Variants in PSMD14 observed in about 807,000 individuals in gnomAD.
PSMD14 encodes the protein ubiquitin C-terminal hydrolase PSMD14.
A neutral mutation model predicts 41.2 loss-of-function variants in PSMD14; 7 were observed. The observed-to-expected ratio is 0.17, with a 90% confidence interval of 0.10 to 0.32. PSMD14 has a LOEUF of 0.32. Ranked by LOEUF, PSMD14 falls within the 10% of genes least tolerant of loss-of-function variation. PSMD14 has a pLI of 1.00. For synonymous variants in PSMD14, 114 were observed against 122.3 expected (o/e 0.93, Z 0.45); for missense variants, 139 against 375.6 (o/e 0.37, Z 5.21).
chr2:161,356,080 A>G (rs1332611905), intron 3 of PSMD14, among the ~76,000 whole-genome samples: 1 of 152,150 alleles, frequency 6.6e-6, no homozygotes, highest in Non-Finnish European at 1.5e-5. Context: ...TAACTCTAAA[A>G]AGTAACAAGT....
intron 3 of PSMD14, among the ~76,000 whole-genome samples, chr2:161,364,739 G>GGTACCAGT (rs1683336163): frequency 6.6e-6 from 1 of 152,104 alleles, no homozygotes; most frequent in Non-Finnish European, 1.5e-5. Flanking sequence ...GTATTTCACT[G>GGTACCAGT]GTACCAACCT....
chr2:161,381,083 C>G (rs889866890), intron 7 of PSMD14, among the ~76,000 whole-genome samples: 3 of 151,626 alleles, frequency 2.0e-5, no homozygotes, highest in African/African-American at 7.3e-5. Context: ...AATATGTAAT[C>G]TAACTAGTAA....
chr2:161,375,582 A>G (rs1224785518), intron 7 of PSMD14, among the ~76,000 whole-genome samples: 1 of 152,020 alleles, frequency 6.6e-6, no homozygotes, highest in Admixed American at 6.6e-5. Flanking sequence ...TGTAGAAACA[A>G]TATCATTCCA....
chr2:161,340,545 G>A (rs185923724), intron 3 of PSMD14, among the ~76,000 whole-genome samples: 93 of 152,266 alleles, frequency 6.1e-4, no homozygotes, highest in African/African-American at 2.2e-3. Flanking sequence ...CAGGGTCTGA[G>A]CTCTAACTCT....
At chr2:161,361,647 TAAAG>T (rs1279774240) in intron 3 of PSMD14, among the ~76,000 whole-genome samples, 1 of 152,132 alleles carries the variant, frequency 6.6e-6, no homozygotes, top group African/African-American at 2.4e-5. Flanking sequence ...GAACAAATAG[TAAAG>T]AAAACATGAA....
At chr2:161,370,613 A>G (rs1008638885) in intron 6 of PSMD14, among the ~76,000 whole-genome samples, 1 of 152,162 alleles carries the variant, frequency 6.6e-6, no homozygotes, top group Non-Finnish European at 1.5e-5. Flanking sequence ...CTCAGACCAA[A>G]TCTCTCAATA....
chr2:161,310,145 T>C (rs1689072360), intron 1 of PSMD14, among the ~76,000 whole-genome samples: 1 of 152,150 alleles, frequency 6.6e-6, no homozygotes, highest in Non-Finnish European at 1.5e-5. Flanking sequence ...AGTGAGACTT[T>C]GTCTCAAAAA....
chr2:161,337,821 T>C (rs1682890682), intron 3 of PSMD14, among the ~76,000 whole-genome samples: 1 of 152,244 alleles, frequency 6.6e-6, no homozygotes, highest in African/African-American at 2.4e-5. Flanking sequence ...GTTCTCAGTG[T>C]ATGTCTTGAC....
intron 9 of PSMD14, among the ~76,000 whole-genome samples, chr2:161,394,152 A>G (rs1294812316): frequency 6.6e-6 from 1 of 151,650 alleles, no homozygotes; most frequent in Admixed American, 6.6e-5. Flanking sequence ...TTGTGTTTTT[A>G]GTAGCGACAG....
intron 3 of PSMD14, among the ~76,000 whole-genome samples, chr2:161,322,474 C>T (rs546461944): frequency 1.3e-5 from 2 of 152,262 alleles, no homozygotes; most frequent in African/African-American, 4.8e-5. Flanking sequence ...ACTGCAGTCT[C>T]GCCCTCCTGG....
intron 3 of PSMD14, among the ~76,000 whole-genome samples, chr2:161,342,734 T>C (rs1052462783): frequency 2.6e-5 from 4 of 152,210 alleles, no homozygotes; most frequent in Non-Finnish European, 5.9e-5. Context: ...TTTTGCTGTT[T>C]GCTTAATAAT....
intron 3 of PSMD14, among the ~76,000 whole-genome samples, chr2:161,335,437 A>T (rs1033892151): frequency 2.6e-5 from 4 of 152,272 alleles, no homozygotes; most frequent in African/African-American, 9.6e-5. Flanking sequence ...TTAATTTAAA[A>T]TAGTTTAAAT....
intron 10 of PSMD14, among the ~76,000 whole-genome samples, chr2:161,400,187 T>C (rs781719438): frequency 3.3e-5 from 5 of 152,208 alleles, no homozygotes; most frequent in Non-Finnish European, 5.9e-5. Flanking sequence ...TCAAGTCCAA[T>C]ATAAAACTTC....
intron 3 of PSMD14, among the ~76,000 whole-genome samples, chr2:161,361,722 T>A (rs1683291507): frequency 6.6e-6 from 1 of 152,164 alleles, no homozygotes; most frequent in Non-Finnish European, 1.5e-5. Context: ...AATACACCAC[T>A]GAAGAAAGGT....
At chr2:161,309,259 T>G (rs932972706) in intron 1 of PSMD14, among the ~76,000 whole-genome samples, 2 of 152,230 alleles carry the variant, frequency 1.3e-5, no homozygotes, top group Non-Finnish European at 2.9e-5. Flanking sequence ...GCAACTTAAT[T>G]TTCCTGGGGA....
chr2:161,338,433 T>C (rs930447942), intron 3 of PSMD14, among the ~76,000 whole-genome samples: 1 of 151,928 alleles, frequency 6.6e-6, no homozygotes, highest in Non-Finnish European at 1.5e-5. Context: ...ATTGATAACC[T>C]GTATTTGTTG....
chr2:161,376,626 C>T (rs1683506840), intron 7 of PSMD14, among the ~76,000 whole-genome samples: 1 of 151,818 alleles, frequency 6.6e-6, no homozygotes, highest in African/African-American at 2.4e-5. Context: ...TTAGCACTTA[C>T]CATTTTCTAA....
intron 3 of PSMD14, among the ~76,000 whole-genome samples, chr2:161,365,272 C>G (rs1015863517): frequency 4.6e-5 from 7 of 152,210 alleles, no homozygotes; most frequent in Non-Finnish European, 1.0e-4. Context: ...TGCTTCCTCT[C>G]TCTCGAGGTA....
intron 6 of PSMD14, 51 bp downstream of exon 6, chr2:161,370,228 A>G: frequency 7.7e-7 from 1 of 1,304,660 alleles, no homozygotes; most frequent in Non-Finnish European, 1.1e-6. Flanking sequence ...TATTTATAGA[A>G]ACATACCTCA....
Sources: gnomAD v4.1 joint callset for allele counts (sites outside exome capture counted in the v4.1 genomes callset) on GRCh38, gnomAD v4.1.1 for gene constraint, MANE v1.5 for transcripts, NCBI Gene and HGNC (gene_info 2026-07-23, HGNC 2026-07-21) for gene names.